Variants in BTG3 observed in about 807,000 individuals in gnomAD.
BTG3 encodes the protein BTG anti-proliferation factor 3, also known as protein BTG3.
Under a neutral mutation model 25.8 loss-of-function variants are expected in BTG3, and 4 were observed. The ratio of observed to expected loss-of-function variants is 0.16; its 90% CI spans 0.08 to 0.36. The LOEUF is 0.36. Ranked by LOEUF, BTG3 falls within the 10% of genes least tolerant of loss-of-function variation. The pLI, the probability that BTG3 is intolerant of heterozygous loss-of-function variation, is 1.00. For synonymous variants in BTG3, 107 were observed against 99.9 expected, an observed-to-expected ratio of 1.07 and a Z score of -0.42; for missense variants, 201 against 304.9, an observed-to-expected ratio of 0.66 and a Z score of 2.54.
intron 4 of BTG3, among the ~76,000 whole-genome samples, chr21:17,595,454 A>AT (rs568570292): frequency 4.0e-5 from 6 of 151,894 alleles, no homozygotes; most frequent in Admixed American, 2.0e-4. Flanking sequence ...GACACCAAAC[A>AT]TTTTTTTAAA....
intron 1 of BTG3, among the ~76,000 whole-genome samples, chr21:17,611,264 G>C (rs1569193416): frequency 6.6e-6 from 1 of 152,154 alleles, no homozygotes; most frequent in Non-Finnish European, 1.5e-5. Context: ...CTCCACTCCA[G>C]CAAAGCAAAC....
chr21:17,595,415 CT>C (rs2061492018), intron 4 of BTG3, among the ~76,000 whole-genome samples: 1 of 151,830 alleles, frequency 6.6e-6, no homozygotes, highest in African/African-American at 2.4e-5. Context: ...CCTTTATCTT[CT>C]TTATCTTAAC....
chr21:17,598,602 T>C lies in BTG3; in HGVS notation c.519+15A>G, dbSNP rs768281316. The C allele has an allele frequency of 6.2e-6, 10 of 1,609,834 alleles. No homozygotes were observed. The highest frequency in any genetic ancestry group is 8.5e-6 in the Non-Finnish European group (10 of 1,176,456). On this transcript the variant is annotated intron_variant, in intron 4 of 4. Coordinates refer to ENST00000348354, the MANE Select transcript of BTG3 (RefSeq NM_006806.5). The stretch of plus-strand genomic sequence containing the variant: ...CCTGCACATCCCTTTAAAACTGAGC[T>C]GTTTTCATGGTTACCTGGTACACAG...
rs1335436237 is a variant in BTG3, at chr21:17,598,757, T to G, written c.379A>C (p.Ile127Leu). The change falls in exon 4 of 5, where the codon ATC becomes CTC. Residue 127 changes from isoleucine (I) to leucine (L), a missense_variant. Physicochemically the swap from Ile to Leu is conservative, Grantham distance 5. Coordinates refer to ENST00000348354, the MANE Select transcript of BTG3 (RefSeq NM_006806.5). ...AGGGCCCTGGTAACTTTCCTGGAGA[T>G]CTCATCCTTGTTCTCATCTTTATTT... ...FENKDENKDE[I>L]SRKVTRALDK... 1.2e-6 allele frequency: 2 copies of G among 1,614,090 alleles called. No homozygotes were observed. The highest frequency in any genetic ancestry group is 2.7e-5 in the African/African-American group (2 of 74,936).
At chr21:17,608,867 C>T (rs2061681768) in intron 2 of BTG3, 105 bp downstream of exon 2, 4 of 1,081,844 alleles carry the variant, frequency 3.7e-6, no homozygotes, top group South Asian at 3.8e-5. Flanking sequence ...CTATATTTTG[C>T]AGATGAAACA....
chr21:17,601,854 T>G (rs1373690800), intron 3 of BTG3, among the ~76,000 whole-genome samples: 1 of 152,252 alleles, frequency 6.6e-6, no homozygotes, highest in African/African-American at 2.4e-5. Context: ...AAATATCTAA[T>G]GATTGAAGGA....
intron 2 of BTG3, among the ~76,000 whole-genome samples, chr21:17,605,309 G>A (rs976723856): frequency 6.6e-6 from 1 of 152,082 alleles, no homozygotes; most frequent in African/African-American, 2.4e-5. Context: ...CGAAATTTTA[G>A]AACTCTGAAG....
At chr21:17,611,776 T>C (rs2061728099) in intron 1 of BTG3, 1 of 152,276 alleles carries the variant, frequency 6.6e-6, no homozygotes, top group Non-Finnish European at 1.5e-5. Flanking sequence ...TGCTCACGGC[T>C]GCGTGGATAA....
chr21:17,601,724 TAACAA>T (rs2061576794), intron 3 of BTG3, among the ~76,000 whole-genome samples: 1 of 152,138 alleles, frequency 6.6e-6, no homozygotes. Context: ...GACACTAATA[TAACAA>T]TGACTTAGGC....
intron 4 of BTG3, among the ~76,000 whole-genome samples, 155 bp from the exon 5 acceptor site, chr21:17,594,487 T>A (rs951987301): frequency 6.6e-6 from 1 of 152,076 alleles, no homozygotes; most frequent in Non-Finnish European, 1.5e-5. Context: ...AAAAACCTCA[T>A]GTGTAATAGG....
In BTG3 at chr21:17,594,227, C is replaced by G. The variant is rs192593680; in HGVS notation, c.625G>C (p.Val209Leu). The G allele has an allele frequency of 1.2e-6, 2 of 1,613,318 alleles. No individual in the cohort carries two copies. The highest frequency in any genetic ancestry group is 1.7e-5 in the Admixed American group (1 of 59,958). ...CCCTGATTTGGATAACCAAATGGAA[C>G]AGGAGGAGGATAGTGATTCTGATGG... ...NGHQNHYPPP[V>L]PFGYPNQGRK... is the part of the protein sequence containing the mutation. The change falls in exon 5 of 5, where the codon GTT (valine) becomes CTT (leucine). Residue 209 changes from valine (V) to leucine (L), a missense_variant. This residue lies in a region of BTG3 where 131 missense variants were observed against 129.3 expected (regional missense o/e 1.01). Transcript: ENST00000348354.
intron 2 of BTG3, among the ~76,000 whole-genome samples, chr21:17,606,894 G>A (rs531224302): frequency 5.3e-5 from 8 of 152,226 alleles, no homozygotes; most frequent in Admixed American, 2.6e-4. Flanking sequence ...GAGACTTACT[G>A]TTCAAAAGGT....
chr21:17,608,173 C>T (rs978068888), intron 2 of BTG3, among the ~76,000 whole-genome samples: 1 of 152,066 alleles, frequency 6.6e-6, no homozygotes, highest in Non-Finnish European at 1.5e-5. Context: ...TGAAACTCAC[C>T]TGGGTAACAC....
chr21:17,599,996 A>G (rs2061552511), intron 3 of BTG3, among the ~76,000 whole-genome samples: 1 of 152,202 alleles, frequency 6.6e-6, no homozygotes, highest in Non-Finnish European at 1.5e-5. Context: ...TGCTTACTTC[A>G]GAGTTTCCTA....
At chr21:17,608,186 C>G (rs545249890) in intron 2 of BTG3, among the ~76,000 whole-genome samples, 1 of 152,194 alleles carries the variant, frequency 6.6e-6, no homozygotes, top group South Asian at 2.1e-4. Flanking sequence ...GGTAACACAG[C>G]AAGATCCCAT....
At chr21:17,597,178 G>A (rs1200165635) in intron 4 of BTG3, among the ~76,000 whole-genome samples, 2 of 151,996 alleles carry the variant, frequency 1.3e-5, no homozygotes, top group Non-Finnish European at 2.9e-5. Context: ...CTTTCAACAT[G>A]AGGGAAAATA....
At chr21:17,600,337 GTAAT>G (rs1399278938) in intron 3 of BTG3, among the ~76,000 whole-genome samples, 1 of 152,120 alleles carries the variant, frequency 6.6e-6, no homozygotes, top group Non-Finnish European at 1.5e-5. Context: ...AGTTAGAAAT[GTAAT>G]TAAAGTGATT....
chr21:17,604,793 A>C, intron 3 of BTG3, 67 bp downstream of exon 3: 1 of 1,554,182 alleles, frequency 6.4e-7, no homozygotes, highest in Admixed American at 1.9e-5. Flanking sequence ...CAGGCCGTAC[A>C]TGACAGAATG....
At position 17,612,837 on chromosome 21, in the gene BTG3, C is replaced by T. The variant is rs3737411; in HGVS notation, c.-147G>A. The stretch of plus-strand genomic sequence containing the variant: ...GAGCCTCGTCCGGCGCGTGCGGCTC[C>T]CGCGTCGTCGGGCGGCCAAGCGCGC... On this transcript the variant is annotated 5_prime_UTR_variant, in exon 1 of 5. Coordinates refer to ENST00000348354, the MANE Select transcript of BTG3 (RefSeq NM_006806.5). 6.8e-3 allele frequency: 1,042 copies of T among 152,254 alleles called. 72 individuals are homozygous for T. In the East Asian group the frequency reaches 0.15, roughly 22 times the overall value. The allele number at this position is 152,254 out of a possible 1,614,324, so 9.4% of individuals were successfully genotyped here.
Sources: allele counts gnomAD v4.1 joint callset (sites outside exome capture counted in the v4.1 genomes callset), GRCh38; gene constraint gnomAD v4.1.1; regional missense constraint gnomAD v4.1.1; transcripts MANE v1.5; gene names NCBI Gene and HGNC (gene_info 2026-07-23, HGNC 2026-07-21).